Variants in TBC1D1 observed in about 807,000 individuals in gnomAD.
TBC1D1 encodes the protein TBC1 domain family member 1.
A neutral mutation model predicts 125.6 loss-of-function variants in TBC1D1; 89 were observed. The ratio of observed to expected loss-of-function variants is 0.71; its 90% confidence interval spans 0.60 to 0.85. The LOEUF is 0.85. Ranked by LOEUF, TBC1D1 falls within the 40% of genes least tolerant of loss-of-function variation. TBC1D1 has a pLI of 0.00. For synonymous variants in TBC1D1, 565 were observed against 564.1 expected (o/e 1.00, Z -0.02); for missense variants, 1,377 against 1,469.2 (o/e 0.94, Z 1.03).
At chr4:38,108,124 C>G (rs751128733) in intron 15 of TBC1D1, among the ~76,000 whole-genome samples, 3 of 152,188 alleles carry the variant, frequency 2.0e-5, no homozygotes, top group Non-Finnish European at 4.4e-5. Flanking sequence ...GACTCTCTAT[C>G]CTGGGTAGAC....
chr4:38,006,639 C>T lies in TBC1D1; in HGVS notation c.418-7870C>T, dbSNP rs554976442. The T allele has an allele frequency of 3.0e-3, 681 of 225,342 alleles. 3 individuals carry two copies. Among genetic ancestry groups the T allele is most frequent in the African/African-American group, 0.014 (597 of 42,312 alleles). 14.0% of individuals were successfully genotyped at this position (225,342 alleles called of 1,614,324 possible). A position where few individuals can be genotyped will look rare whatever the true frequency, so the allele number is the denominator to read the frequency against. ...GACTACAGGCATGTGCCACCACGCC[C>T]GGCTAATTTTTTTGTATTTTTAGTA... On this transcript the variant is annotated intron_variant, in intron 2 of 19. Coordinates refer to ENST00000261439, the MANE Select transcript of TBC1D1 (RefSeq NM_015173.4).
chr4:37,964,703 GA>G (rs1482817037), intron 2 of TBC1D1, among the ~76,000 whole-genome samples: 10 of 152,244 alleles, frequency 6.6e-5, no homozygotes, highest in African/African-American at 2.4e-4. Flanking sequence ...CTGAACCCTT[GA>G]GAAGGGCCCT....
intron 2 of TBC1D1, among the ~76,000 whole-genome samples, chr4:38,001,090 G>GCTACATTA (rs1738969682): frequency 6.6e-6 from 1 of 151,902 alleles, no homozygotes; most frequent in African/African-American, 2.4e-5. Context: ...CATGGTGGCG[G>GCTACATTA]GCACCTGTAG....
intron 15 of TBC1D1, among the ~76,000 whole-genome samples, chr4:38,106,308 G>A (rs1216173512): frequency 6.6e-6 from 1 of 151,986 alleles, no homozygotes; most frequent in Admixed American, 6.6e-5. Flanking sequence ...TGGTCACAAA[G>A]TCACCTGAGG....
intron 18 of TBC1D1, among the ~76,000 whole-genome samples, chr4:38,131,487 G>A (rs1166047712): frequency 3.9e-5 from 6 of 152,194 alleles, no homozygotes; most frequent in Non-Finnish European, 7.4e-5. Context: ...GTGTGTGGAA[G>A]CAGATCCCTT....
intron 2 of TBC1D1, among the ~76,000 whole-genome samples, chr4:37,913,231 T>C (rs1217781695): frequency 6.6e-6 from 1 of 152,188 alleles, no homozygotes; most frequent in Non-Finnish European, 1.5e-5. Context: ...GCTTATATGC[T>C]TGGTTCCTAA....
intron 2 of TBC1D1, among the ~76,000 whole-genome samples, chr4:37,930,277 A>G (rs1318095373): frequency 6.6e-6 from 1 of 152,174 alleles, no homozygotes; most frequent in African/African-American, 2.4e-5. Context: ...ATGTATTTAA[A>G]TTTCAAGGTG....
chr4:37,891,852 T>G (rs528893885), intron 1 of TBC1D1, among the ~76,000 whole-genome samples: 1 of 152,106 alleles, frequency 6.6e-6, no homozygotes, highest in East Asian at 1.9e-4. Context: ...CTTCATTGTT[T>G]CTAGCCGCTT....
At chr4:38,130,561 T>C (rs1443041392) in intron 18 of TBC1D1, among the ~76,000 whole-genome samples, 1 of 152,080 alleles carries the variant, frequency 6.6e-6, no homozygotes, top group Non-Finnish European at 1.5e-5. Context: ...TAATTACAAC[T>C]CTAGTGGAAT....
rs182763331 is a variant in TBC1D1, at chr4:38,116,665, A to G, written c.2802+711A>G. Among the ~76,000 whole-genome samples the G allele has an allele frequency of 2.0e-3, 301 of 152,344 alleles. 1 individual carries two copies. Among genetic ancestry groups the G allele is most frequent in the African/African-American group, 6.8e-3 (284 of 41,574 alleles). ...CCCATAAGTATTTGTTGAATGAACA[A>G]TTCTGTCAGAGAAAACCAAACACAG... On this transcript the variant is annotated intron_variant, in intron 16 of 19. Coordinates refer to ENST00000261439, the MANE Select transcript of TBC1D1 (RefSeq NM_015173.4).
chr4:37,929,732 T>C (rs1486199261), intron 2 of TBC1D1, among the ~76,000 whole-genome samples: 1 of 152,228 alleles, frequency 6.6e-6, no homozygotes, highest in Non-Finnish European at 1.5e-5. Flanking sequence ...TTGACTTGTA[T>C]AGGAATTCAG....
At chr4:38,118,584 C>G (rs1254993700) in intron 17 of TBC1D1, 1 of 164,508 alleles carries the variant, frequency 6.1e-6, no homozygotes, top group Admixed American at 6.2e-5. Flanking sequence ...CCTCTGGGCC[C>G]TTTCTAGATT....
chr4:37,895,632 G>A (rs1714395951), intron 1 of TBC1D1, among the ~76,000 whole-genome samples: 2 of 152,092 alleles, frequency 1.3e-5, no homozygotes, highest in African/African-American at 2.4e-5. Flanking sequence ...TGAACCCAGG[G>A]GGCGGAGGAT....
chr4:38,016,338 A>G (rs1228987273), intron 3 of TBC1D1, among the ~76,000 whole-genome samples: 2 of 152,202 alleles, frequency 1.3e-5, no homozygotes, highest in Non-Finnish European at 2.9e-5. Flanking sequence ...AGAAGGCCCT[A>G]AAGGCAGGGA....
intron 2 of TBC1D1, among the ~76,000 whole-genome samples, chr4:37,978,090 T>C (rs1413027343): frequency 1.3e-5 from 2 of 152,174 alleles, no homozygotes; most frequent in Non-Finnish European, 2.9e-5. Context: ...AACTTTCCAT[T>C]CCCACAAAGT....
At chr4:37,982,749 AT>A (rs1373882746) in intron 2 of TBC1D1, among the ~76,000 whole-genome samples, 1 of 152,226 alleles carries the variant, frequency 6.6e-6, no homozygotes, top group Non-Finnish European at 1.5e-5. Flanking sequence ...CCTTAGACAA[AT>A]TCTTTAATCT....
chr4:37,906,456 T>TGA (rs1717364034), intron 2 of TBC1D1, among the ~76,000 whole-genome samples: 1 of 152,204 alleles, frequency 6.6e-6, no homozygotes, highest in Admixed American at 6.5e-5. Flanking sequence ...CCTCATCCTT[T>TGA]CTTAAAATGA....
chr4:38,092,239 C>T (rs1367620210), intron 13 of TBC1D1, among the ~76,000 whole-genome samples: 1 of 151,836 alleles, frequency 6.6e-6, no homozygotes, highest in African/African-American at 2.4e-5. Flanking sequence ...ATGGAAACTG[C>T]GAATTTAAGC....
At chr4:38,062,228 G>C (rs1348234327) in intron 12 of TBC1D1, among the ~76,000 whole-genome samples, 2 of 151,620 alleles carry the variant, frequency 1.3e-5, no homozygotes, top group Non-Finnish European at 2.9e-5. Flanking sequence ...CCCGCATCTT[G>C]ATTGCCCTTG....
Sources: allele counts gnomAD v4.1 joint callset (sites outside exome capture counted in the v4.1 genomes callset), GRCh38; gene constraint gnomAD v4.1.1; transcripts MANE v1.5; gene names NCBI Gene and HGNC (gene_info 2026-07-23, HGNC 2026-07-21).